SYN3: variants seen among roughly 807,000 people sequenced by gnomAD.
SYN3 encodes the protein synapsin-3.
A neutral mutation model predicts 65.8 loss-of-function variants in SYN3; 35 were observed. The ratio of observed to expected loss-of-function variants is 0.53; its 90% CI spans 0.41 to 0.70. The LOEUF (loss-of-function observed/expected upper bound fraction) is 0.70, where lower values mean the gene tolerates loss of function less well. Among genes scored for constraint, SYN3 ranks in the 30% least tolerant of loss-of-function variants. The pLI is 0.00. For synonymous variants in SYN3, 270 were observed against 292.9 expected, an observed-to-expected ratio of 0.92 and a Z score of 0.80; for missense variants, 680 against 749.0, an observed-to-expected ratio of 0.91 and a Z score of 1.08.
Position 33,024,203 on chromosome 22 carries a change from C to T in SYN3, c.-162-17379G>A, listed in dbSNP as rs545376487. Among the ~76,000 whole-genome samples the T allele has an allele frequency of 2.0e-5, 3 of 152,346 alleles. No homozygotes were observed. In the East Asian group the frequency reaches 5.8e-4, roughly 29 times the overall value. On this transcript the variant is annotated intron_variant, in intron 1 of 13. Transcript: ENST00000358763. ...TTTCCTGACCACCCACCAGCACCCT[C>T]CAGACTGGGTATGGTGGAGTGCAAT...
intron 4 of SYN3, among the ~76,000 whole-genome samples, chr22:32,924,064 C>T (rs1486676814): frequency 1.3e-5 from 2 of 152,182 alleles, no homozygotes; most frequent in African/African-American, 4.8e-5. Context: ...ATATGTACCA[C>T]ATTTTCTTTA....
chr22:32,749,509 T>C (rs62234592), intron 6 of SYN3, among the ~76,000 whole-genome samples: 31,792 of 151,698 alleles, frequency 0.21, 4,250 homozygotes, highest in African/African-American at 0.38. Flanking sequence ...GGCACGATGA[T>C]GGGTGCCTGT....
rs751223065 is a variant in SYN3 at position 32,538,010 on chromosome 22, C to T, written c.992+26G>A. On this transcript the variant is annotated intron_variant, in intron 9 of 13. Coordinates refer to ENST00000358763, the MANE Select transcript of SYN3 (RefSeq NM_003490.4). ...TCAGCTCCTACTATGGCCAGTGCCT[C>T]TCCCTACACCTCCTTTGTCTCTTAC... 6 of 1,609,716 alleles carry T rather than the reference C, an allele frequency of 3.7e-6. No homozygotes were observed. In the East Asian group the frequency reaches 1.3e-4, roughly 36 times the overall value.
chr22:33,029,725 T>TAA, intron 1 of SYN3, among the ~76,000 whole-genome samples: 1 of 152,222 alleles, frequency 6.6e-6, no homozygotes, highest in South Asian at 2.1e-4. Context: ...TCCTAACCAC[T>TAA]AAGCAGCACT....
intron 6 of SYN3, among the ~76,000 whole-genome samples, chr22:32,670,071 C>A (rs1438511130): frequency 1.3e-5 from 2 of 152,178 alleles, no homozygotes; most frequent in African/African-American, 2.4e-5. Flanking sequence ...GAAAATTAAA[C>A]TTGTATCATG....
chr22:32,742,629 A>G (rs1014768718), intron 6 of SYN3, among the ~76,000 whole-genome samples: 1 of 152,322 alleles, frequency 6.6e-6, no homozygotes, highest in East Asian at 1.9e-4. Context: ...AATTCAGCCA[A>G]GGTCACCCAG....
At position 32,512,155 on chromosome 22, in the gene SYN3, C is replaced by CT. The variant is rs2057698097; in HGVS notation, c.*1536dup. 6.6e-6 allele frequency among the ~76,000 whole-genome samples: 1 copy of CT among 152,228 alleles called. No individual in the cohort carries two copies. Among genetic ancestry groups the CT allele is most frequent in the African/African-American group, 2.4e-5 (1 of 41,456 alleles). ...TGAAGGACCAAAAAGGAGATGATTG[C>CT]TTTTATGCTCCTGGGAACCTGGATG... On this transcript the variant is annotated 3_prime_UTR_variant, in exon 14 of 14. Transcript: ENST00000358763.
At chr22:32,995,636 T>A (rs1230540318) in intron 2 of SYN3, among the ~76,000 whole-genome samples, 1 of 150,846 alleles carries the variant, frequency 6.6e-6, no homozygotes, top group Admixed American at 6.6e-5. Context: ...CCTGCAGTCC[T>A]CATGCCTTCG....
chr22:32,832,835 C>T (rs1241400644), intron 6 of SYN3, among the ~76,000 whole-genome samples: 2 of 151,974 alleles, frequency 1.3e-5, no homozygotes, highest in Non-Finnish European at 2.9e-5. Context: ...TCAAGTGATC[C>T]GTTTCCCTCA....
rs564840061 is a variant in SYN3 at position 32,938,887 on chromosome 22, C to T, written c.370-7406G>A. On this transcript the variant is annotated intron_variant, in intron 3 of 13. Transcript: ENST00000358763. ...AGGTTGCAATGAGCAGAGACTGCAC[C>T]ACTGCACTTCGGCCTGGACAGCAGG... 6.2e-5 allele frequency among the ~76,000 whole-genome samples: 9 copies of T among 146,298 alleles called. No individual in the cohort carries two copies. The East Asian group carries it at 1.8e-3, about 29-fold the overall frequency.
At chr22:32,644,982 G>C (rs1038307606) in intron 6 of SYN3, among the ~76,000 whole-genome samples, 1 of 152,174 alleles carries the variant, frequency 6.6e-6, no homozygotes, top group African/African-American at 2.4e-5. Context: ...GTAGCAGGAA[G>C]TGGTTGGGGA....
intron 6 of SYN3, among the ~76,000 whole-genome samples, chr22:32,635,527 A>G (rs2059803627): frequency 6.6e-6 from 1 of 152,256 alleles, no homozygotes; most frequent in South Asian, 2.1e-4. Context: ...GATATTTGAA[A>G]TAGGGACATT....
chr22:32,780,716 C>A (rs2046019888), intron 6 of SYN3, among the ~76,000 whole-genome samples: 1 of 152,150 alleles, frequency 6.6e-6, no homozygotes, highest in South Asian at 2.1e-4. Context: ...TGACCTTGGA[C>A]AATCTACTGA....
intron 6 of SYN3, among the ~76,000 whole-genome samples, chr22:32,680,493 A>C (rs1298553657): frequency 1.3e-5 from 2 of 152,156 alleles, no homozygotes; most frequent in Non-Finnish European, 1.5e-5. Flanking sequence ...TCAAATCAAG[A>C]CACCTTGTTG....
intron 3 of SYN3, among the ~76,000 whole-genome samples, chr22:32,964,082 C>T (rs2051745465): frequency 6.6e-6 from 1 of 151,894 alleles, no homozygotes; most frequent in African/African-American, 2.4e-5. Flanking sequence ...TTTAAACAGG[C>T]CAAGAACTCA....
At chr22:32,593,762 C>A (rs145378135) in intron 7 of SYN3, among the ~76,000 whole-genome samples, 1 of 152,046 alleles carries the variant, frequency 6.6e-6, no homozygotes, top group Non-Finnish European at 1.5e-5. Flanking sequence ...AAAGGTGACT[C>A]GGGAGTCTGT....
rs188593309 is a variant in SYN3 at position 32,572,731 on chromosome 22, A to G, written c.774+23943T>C. On this transcript the variant is annotated intron_variant, in intron 7 of 13. Transcript: ENST00000358763. ...CCAAAGTGTCAGAATTATAGATGGG[A>G]GCCACTATATCTGGCTCTCTGGCCA... 2.0e-3 allele frequency among the ~76,000 whole-genome samples: 297 copies of G among 151,966 alleles called. 2 individuals are homozygous for G. The highest frequency in any genetic ancestry group is 1.4e-3 in the Non-Finnish European group (94 of 67,970).
intron 1 of SYN3, among the ~76,000 whole-genome samples, chr22:33,028,828 C>G (rs951692962): frequency 6.6e-6 from 1 of 152,074 alleles, no homozygotes; most frequent in Non-Finnish European, 1.5e-5. Flanking sequence ...ATCACGAGGT[C>G]AGGAGATCGA....
intron 6 of SYN3, among the ~76,000 whole-genome samples, chr22:32,657,809 C>T (rs2060163442): frequency 6.6e-6 from 1 of 152,238 alleles, no homozygotes; most frequent in Non-Finnish European, 1.5e-5. Flanking sequence ...TGCAGACCTA[C>T]AGCCCCCCAG....
Sources: allele counts gnomAD v4.1 joint callset (sites outside exome capture counted in the v4.1 genomes callset), GRCh38; gene constraint gnomAD v4.1.1; transcripts MANE v1.5; gene names NCBI Gene and HGNC (gene_info 2026-07-23, HGNC 2026-07-21).